The following TNKS2 variants were observed in gnomAD, a reference collection of about 807,000 sequenced individuals.
TNKS2 encodes tankyrase 2.
In TNKS2, 72 loss-of-function variants were observed where a neutral mutation model predicts 137.6. That is an observed-to-expected ratio of 0.52 (90% CI 0.43 to 0.64). The LOEUF (loss-of-function observed/expected upper bound fraction) is 0.64, where lower values mean the gene tolerates loss of function less well. TNKS2 is among the 30% of genes least tolerant of loss of function. TNKS2 has a pLI of 0.00. For missense variants in TNKS2, 1,049 were observed against 1,410.2 expected (o/e 0.74, Z 4.10); for synonymous variants, 516 against 512.1 (o/e 1.01, Z -0.10).
rs531121115 is a variant in TNKS2, at chr10:91,813,146, T to C, written c.363T>C (p.Asp121=). 133 of 1,614,202 alleles carry C rather than the reference T, an allele frequency of 8.2e-5. No individual in the cohort carries two copies. The South Asian group carries it at 1.4e-3, about 17-fold the overall frequency. The change falls in exon 2 of 27, where the codon GAT becomes GAC. Residue 121 remains aspartate, a synonymous_variant. Coordinates refer to ENST00000371627, the MANE Select transcript of TNKS2 (RefSeq NM_025235.4). The part of the protein sequence containing the change: ...LRHGADPNAR[D]NWNYTPLHEA... ...ATGGTGCAGACCCCAATGCTCGAGA[T>C]AATTGGAATTATACTCCTCTCCATG...
At chr10:91,807,481 A>T in intron 1 of TNKS2, 1 of 1,565,314 alleles carries the variant, frequency 6.4e-7, no homozygotes, top group Non-Finnish European at 8.8e-7. Flanking sequence ...AAGGCCTCAG[A>T]ACCCGGCCCA....
chr10:91,840,650 G>T lies in TNKS2; in HGVS notation c.1617G>T (p.Val539=), dbSNP rs774659192. ...PLHFAAGYNR[V]SVVEYLLQHG... ...ATTTTGCAGCTGGGTATAACAGAGT[G>T]TCCGTGGTGGAATATCTGCTACAGC... The change falls in exon 14 of 27, where the codon GTG becomes GTT. Residue 539 remains valine (V), a synonymous_variant. Transcript: ENST00000371627. The T allele has an allele frequency of 1.2e-6, 2 of 1,614,152 alleles. No homozygotes were observed. The highest frequency in any genetic ancestry group is 1.7e-6 in the Non-Finnish European group (2 of 1,180,008).
Position 91,855,091 on chromosome 10 carries a change from C to T in TNKS2, c.2878C>T (p.Pro960Ser), listed in dbSNP as rs1225207089. Residue 960 changes from proline to serine, a missense_variant, in exon 22 of 27, where the codon CCT becomes TCT. Physicochemically the swap from Pro to Ser is moderately conservative, Grantham distance 74 (BLOSUM62 -1). Transcript: ENST00000371627. ...GSGTILIDLS[P>S]DDKEFQSVEE... ...TGGAACAATTCTTATAGATCTGTCT[C>T]CTGATGATAAAGAGTTTCAGTCTGT... The T allele has an allele frequency of 1.2e-6, 2 of 1,611,786 alleles. No individual in the cohort carries two copies. The highest frequency in any genetic ancestry group is 1.7e-5 in the Admixed American group (1 of 59,996).
intron 1 of TNKS2, among the ~76,000 whole-genome samples, chr10:91,801,529 A>T (rs1485603443): frequency 6.6e-6 from 1 of 151,438 alleles, no homozygotes; most frequent in African/African-American, 2.4e-5. Flanking sequence ...GCTGGAGTGC[A>T]GCGTCACGAT....
rs1179264246 is a variant in TNKS2, at chr10:91,798,844, C to T, written c.154C>T (p.Arg52Cys). 1 of 1,356,274 alleles carries T rather than the reference C, an allele frequency of 7.4e-7. No homozygotes were observed. Among genetic ancestry groups the T allele is most frequent in the African/African-American group, 1.5e-5 (1 of 66,112 alleles). The allele number at this position is 1,356,274 out of a possible 1,614,324, so 84.0% of individuals were successfully genotyped here. The change falls in exon 1 of 27, where the codon CGC becomes TGC. Residue 52 changes from arginine (R) to cysteine (C), a missense_variant. By Grantham distance (180) the Arg-to-Cys change is radical. This residue lies in a region of TNKS2 where 374 missense variants were observed against 460.8 expected (regional missense o/e 0.81). Coordinates refer to ENST00000371627, the MANE Select transcript of TNKS2 (RefSeq NM_025235.4). ...GGTGACGCCTGAGAAGGTGAACAGC[C>T]GCGACACGGCGGGCAGGAAATCCAC... is the stretch of plus-strand genomic sequence containing the variant. ...RLVTPEKVNS[R>C]DTAGRKSTPL...
intron 8 of TNKS2, 129 bp from the exon 9 acceptor site, chr10:91,828,150 ATATCTT>A (rs1170269380): frequency 1.0e-6 from 1 of 974,680 alleles, no homozygotes; most frequent in African/African-American, 1.7e-5. Flanking sequence ...AATTTGGAGA[ATATCTT>A]TAGAGCCTCA....
rs753027175 is a variant in TNKS2, at chr10:91,865,474, G to A, written c.*2475G>A. On this transcript the variant is annotated 3_prime_UTR_variant, in exon 27 of 27. Transcript: ENST00000371627. ...TGCTCATTAAAATGAAAGTAGCTGTGAGATGCTTTCAACATTTAGTCTATT... is the reference window on the plus strand; with the variant it reads ...TGCTCATTAAAATGAAAGTAGCTGTAAGATGCTTTCAACATTTAGTCTATT... Among the ~76,000 whole-genome samples, 26 of 152,168 alleles carry A rather than the reference G, an allele frequency of 1.7e-4. No individual in the cohort carries two copies. Among genetic ancestry groups the A allele is most frequent in the Non-Finnish European group, 3.2e-4 (22 of 68,018 alleles).
At chr10:91,820,857 G>A (rs536782455) in intron 6 of TNKS2, among the ~76,000 whole-genome samples, 2 of 152,234 alleles carry the variant, frequency 1.3e-5, no homozygotes, top group East Asian at 3.9e-4. Context: ...GTGTAAGAAT[G>A]GGTAAGATTT....
At chr10:91,834,110 A>C in intron 12 of TNKS2, 86 bp downstream of exon 12, 1 of 1,140,932 alleles carries the variant, frequency 8.8e-7, no homozygotes, top group Non-Finnish European at 1.2e-6. Flanking sequence ...AGGAGTTGGT[A>C]ATAAGAAAAA....
intron 1 of TNKS2, among the ~76,000 whole-genome samples, chr10:91,810,287 A>G (rs1844454797): frequency 6.6e-6 from 1 of 151,952 alleles, no homozygotes; most frequent in African/African-American, 2.4e-5. Context: ...CTAAGGCAGG[A>G]GAATCGCTTA....
At chr10:91,846,464 G>A (rs1842375995) in intron 18 of TNKS2, among the ~76,000 whole-genome samples, 1 of 152,196 alleles carries the variant, frequency 6.6e-6, no homozygotes, top group East Asian at 1.9e-4. Context: ...TGGAGGTCCT[G>A]TTTTCCTTCC....
intron 2 of TNKS2, among the ~76,000 whole-genome samples, chr10:91,814,793 G>C (rs1021209723): frequency 6.6e-6 from 1 of 152,200 alleles, no homozygotes; most frequent in Non-Finnish European, 1.5e-5. Flanking sequence ...AGCTAGGTTT[G>C]TGTAAGCATA....
chr10:91,815,399 A>G (rs947145777), intron 2 of TNKS2, among the ~76,000 whole-genome samples: 6 of 152,200 alleles, frequency 3.9e-5, no homozygotes, highest in Non-Finnish European at 4.4e-5. Flanking sequence ...CCTACATTCA[A>G]ATACATCATT....
In TNKS2 at chr10:91,840,717, A is replaced by G. The variant is rs1014549471; in HGVS notation, c.1673+11A>G. ...TGCTAAAGATAAAGGGTAAATGCCA[A>G]TGATTGTTATGGACTCTCTTCCTTA... On this transcript the variant is annotated intron_variant, in intron 14 of 26. Coordinates refer to ENST00000371627, the MANE Select transcript of TNKS2 (RefSeq NM_025235.4). The G allele has an allele frequency of 5.6e-6, 9 of 1,608,644 alleles. No individual in the cohort carries two copies. The highest frequency in any genetic ancestry group is 2.2e-5 in the East Asian group (1 of 44,786).
Position 91,814,534 on chromosome 10 carries a change from C to G in TNKS2, c.424+1327C>G, listed in dbSNP as rs138113419. On this transcript the variant is annotated intron_variant, in intron 2 of 26. Coordinates refer to ENST00000371627, the MANE Select transcript of TNKS2 (RefSeq NM_025235.4). ...TTATAATATACTAGGCCTTCACATTCACTCATCACTCACTCACTGACTCAC... is the reference window on the plus strand; with the variant it reads ...TTATAATATACTAGGCCTTCACATTGACTCATCACTCACTCACTGACTCAC... Among the ~76,000 whole-genome samples the G allele has an allele frequency of 2.6e-4, 40 of 152,300 alleles. No individual in the cohort carries two copies. The East Asian group carries it at 7.7e-3, about 29-fold the overall frequency.
In TNKS2 at chr10:91,841,487, A is replaced by G. The variant is rs73327812; in HGVS notation, c.1839+39A>G. The G allele has an allele frequency of 4.0e-4, 598 of 1,492,374 alleles. 2 individuals are homozygous for G. In the African/African-American group the frequency reaches 7.6e-3, roughly 19 times the overall value. 92.4% of individuals were successfully genotyped at this position (1,492,374 alleles called of 1,614,324 possible). On this transcript the variant is annotated intron_variant, in intron 15 of 26. Transcript: ENST00000371627. ...CTTAACTGTAAAGAGTATGAATTAC[A>G]TAGCATATGTTTATGGTTTTCTAAA... is the stretch of plus-strand genomic sequence containing the variant.
chr10:91,826,953 C>T, intron 7 of TNKS2, 64 bp from the exon 8 acceptor site: 1 of 1,359,838 alleles, frequency 7.4e-7, no homozygotes, highest in South Asian at 2.1e-5. Context: ...TTAAATTACA[C>T]AGTACGAATA....
At position 91,847,111 on chromosome 10, in the gene TNKS2, A is replaced by G. The variant is rs140011057; in HGVS notation, c.2358+1171A>G. Among the ~76,000 whole-genome samples the G allele has an allele frequency of 4.1e-3, 631 of 152,316 alleles. 6 individuals carry two copies. Among genetic ancestry groups the G allele is most frequent in the African/African-American group, 0.014 (602 of 41,562 alleles). On this transcript the variant is annotated intron_variant, in intron 18 of 26. Transcript: ENST00000371627. Reference sequence around the variant, plus strand: ...GTATCAGGTACATAAAAAGCACTCAATAAATGGTACTATTATTATAAACAA... The same window carrying G: ...GTATCAGGTACATAAAAAGCACTCAGTAAATGGTACTATTATTATAAACAA...
chr10:91,829,358 CTG>C (rs1196892690), intron 9 of TNKS2, among the ~76,000 whole-genome samples: 2 of 152,044 alleles, frequency 1.3e-5, no homozygotes, highest in African/African-American at 4.8e-5. Flanking sequence ...AGCATTAAAA[CTG>C]TACAAAGAAA....
Sources: gnomAD v4.1 joint callset for allele counts (sites outside exome capture counted in the v4.1 genomes callset) on GRCh38, gnomAD v4.1.1 for gene constraint, gnomAD v4.1.1 regional missense constraint, MANE v1.5 for transcripts, NCBI Gene and HGNC (gene_info 2026-07-23, HGNC 2026-07-21) for gene names.